Variants in BARX2 observed in about 807,000 individuals in gnomAD.
The protein encoded by BARX2 is homeobox protein BarH-like 2.
Under a neutral mutation model 25.5 loss-of-function variants are expected in BARX2, and 11 were observed. The ratio of observed to expected loss-of-function variants is 0.43; its 90% CI spans 0.27 to 0.71. The LOEUF (loss-of-function observed/expected upper bound fraction) is 0.71. Among genes scored for constraint, BARX2 ranks in the 30% least tolerant of loss-of-function variants. The probability of loss-of-function intolerance (pLI) is 0.19; values close to 1 mark genes in which losing one functional copy is unlikely to be tolerated. For synonymous variants in BARX2, 137 were observed against 149.5 expected (o/e 0.92, Z 0.61); for missense variants, 360 against 359.9 (o/e 1.00, Z 0.00).
chr11:129,414,177 G>T (rs7927598), intron 1 of BARX2, among the ~76,000 whole-genome samples: 1 of 151,958 alleles, frequency 6.6e-6, no homozygotes, highest in African/African-American at 2.4e-5. Context: ...AGTTCAGAAT[G>T]TATTAATACA....
At chr11:129,419,763 A>G (rs1861983470) in intron 1 of BARX2, among the ~76,000 whole-genome samples, 1 of 151,906 alleles carries the variant, frequency 6.6e-6, no homozygotes, top group Non-Finnish European at 1.5e-5. Flanking sequence ...CAGGTGCAGC[A>G]TTACTGGCAA....
rs1055930914 is a variant in BARX2 at position 129,375,849 on chromosome 11, C to G, written c.-187C>G. ...AAGGCTCAGCGAAGATGCTGATCTG[C>G]GGGTGGGTCTAGACGCGCGGCAGGC... On this transcript the variant is annotated 5_prime_UTR_variant, in exon 1 of 4. Coordinates refer to ENST00000281437, the MANE Select transcript of BARX2 (RefSeq NM_003658.5). This position sits in a 1 kb window ranked among gnomAD's most constrained non-coding sequence, Gnocchi z 4.0. 5 of 158,232 alleles carry G rather than the reference C, an allele frequency of 3.2e-5. No individual in the cohort carries two copies. Among genetic ancestry groups the G allele is most frequent in the Non-Finnish European group, 6.8e-5 (5 of 73,648 alleles). 9.8% of individuals were successfully genotyped at this position (158,232 alleles called of 1,614,324 possible).
At chr11:129,403,041 TA>T (rs1861793861) in intron 1 of BARX2, among the ~76,000 whole-genome samples, 1 of 152,260 alleles carries the variant, frequency 6.6e-6, no homozygotes, top group African/African-American at 2.4e-5. Context: ...AGGCATGTAG[TA>T]AGACCAGGTG....
At chr11:129,438,991 G>C (rs771699433) in intron 2 of BARX2, among the ~76,000 whole-genome samples, 1 of 152,198 alleles carries the variant, frequency 6.6e-6, no homozygotes, top group African/African-American at 2.4e-5. Flanking sequence ...ACTGCAAGTA[G>C]CCAGGACATC....
rs773135059 is a variant in BARX2, at chr11:129,386,939, C to T, written c.187+10717C>T. Among the ~76,000 whole-genome samples, 7 of 152,336 alleles carry T rather than the reference C, an allele frequency of 4.6e-5. No homozygotes were observed. In the South Asian group the frequency reaches 1.2e-3, roughly 27 times the overall value. ...AAAGCTCTGGAGGGGGGCCTCACCC[C>T]ACCCACAGGATCTGTGGCCAGGGTG... On this transcript the variant is annotated intron_variant, in intron 1 of 3. Transcript: ENST00000281437.
intron 1 of BARX2, among the ~76,000 whole-genome samples, chr11:129,387,821 A>G (rs1385448571): frequency 6.6e-6 from 1 of 152,228 alleles, no homozygotes; most frequent in Non-Finnish European, 1.5e-5. Flanking sequence ...AGTAACAACA[A>G]TAATAAATGG....
chr11:129,413,751 A>G (rs1016563863), intron 1 of BARX2, among the ~76,000 whole-genome samples: 3 of 152,276 alleles, frequency 2.0e-5, no homozygotes, highest in East Asian at 1.9e-4. Flanking sequence ...CTTTATTTCT[A>G]GAGACAGCAG....
At chr11:129,407,597 T>C (rs1591435190) in intron 1 of BARX2, among the ~76,000 whole-genome samples, 1 of 152,220 alleles carries the variant, frequency 6.6e-6, no homozygotes, top group Non-Finnish European at 1.5e-5. Context: ...CAGATGTTTT[T>C]CATATTATAC....
chr11:129,426,103 CA>C (rs1862059352), intron 1 of BARX2, among the ~76,000 whole-genome samples: 1 of 151,102 alleles, frequency 6.6e-6, no homozygotes, highest in Non-Finnish European at 1.5e-5. Context: ...TTCAGTCACA[CA>C]AAACTGGAAT....
At chr11:129,430,944 C>T (rs550926973) in intron 1 of BARX2, among the ~76,000 whole-genome samples, 20 of 152,186 alleles carry the variant, frequency 1.3e-4, no homozygotes, top group African/African-American at 4.8e-4. Context: ...TCTCTGCAAC[C>T]TTCACTTCCC....
Position 129,376,298 on chromosome 11 carries a change from C to G in BARX2, c.187+76C>G. On this transcript the variant is annotated intron_variant, in intron 1 of 3. Coordinates refer to ENST00000281437, the MANE Select transcript of BARX2 (RefSeq NM_003658.5). The surrounding 1 kb of genome is among the most constrained non-coding windows in gnomAD (Gnocchi z 4.2). ...TGTAGGTGGCCTGTGCTTTGCGATC[C>G]GAGGGCGAGAGGAAGGGTTAAGTTA... is the stretch of plus-strand genomic sequence containing the variant. The G allele has an allele frequency of 1.5e-6, 2 of 1,354,852 alleles. No individual in the cohort carries two copies. The highest frequency in any genetic ancestry group is 2.0e-6 in the Non-Finnish European group (2 of 998,216). 83.9% of individuals were successfully genotyped at this position (1,354,852 alleles called of 1,614,324 possible). A position where few individuals can be genotyped will look rare whatever the true frequency, so the allele number is the denominator to read the frequency against.
At chr11:129,388,093 C>CTGTGTGTGTGTGTGTG (rs34835803) in intron 1 of BARX2, among the ~76,000 whole-genome samples, 4 of 146,924 alleles carry the variant, frequency 2.7e-5, no homozygotes, top group Non-Finnish European at 4.5e-5. Context: ...AGGCAACATA[C>CTGTGTGTGTGTGTGTG]TGTGTGTGTG....
intron 1 of BARX2, among the ~76,000 whole-genome samples, chr11:129,416,091 G>GC: frequency 6.6e-6 from 1 of 152,356 alleles, no homozygotes; most frequent in African/African-American, 2.4e-5. Flanking sequence ...GCTGTTCTCT[G>GC]TGTGGGCACT....
chr11:129,385,989 T>A (rs894629343), intron 1 of BARX2, among the ~76,000 whole-genome samples: 3 of 152,234 alleles, frequency 2.0e-5, no homozygotes, highest in African/African-American at 7.2e-5. Context: ...ACTAAACATA[T>A]GTACAACTCA....
Position 129,390,472 on chromosome 11 carries a change from A to G in BARX2, c.187+14250A>G, listed in dbSNP as rs1233952844. 6.6e-6 allele frequency among the ~76,000 whole-genome samples: 1 copy of G among 152,152 alleles called. No homozygotes were observed. The highest frequency in any genetic ancestry group is 2.4e-5 in the African/African-American group (1 of 41,418). On this transcript the variant is annotated intron_variant, in intron 1 of 3. Coordinates refer to ENST00000281437, the MANE Select transcript of BARX2 (RefSeq NM_003658.5). This position sits in a 1 kb window ranked among gnomAD's most constrained non-coding sequence, Gnocchi z 4.3. ...TTCTATTCAGCCTGTGGATTCAGAA[A>G]AACAAAATGCATATGTTTGTGTTCC... is the stretch of plus-strand genomic sequence containing the variant.
intron 1 of BARX2, among the ~76,000 whole-genome samples, chr11:129,435,191 A>G (rs1037202134): frequency 2.0e-5 from 3 of 152,224 alleles, no homozygotes; most frequent in Non-Finnish European, 4.4e-5. Context: ...TTGCTCTAAA[A>G]TATCACTCCC....
At chr11:129,407,226 T>C (rs987371564) in intron 1 of BARX2, among the ~76,000 whole-genome samples, 5 of 152,222 alleles carry the variant, frequency 3.3e-5, no homozygotes, top group Non-Finnish European at 4.4e-5. Context: ...CCTATAACCC[T>C]ACTCAGTCAC....
intron 3 of BARX2, among the ~76,000 whole-genome samples, chr11:129,443,127 T>C (rs1862283057): frequency 6.6e-6 from 1 of 151,414 alleles, no homozygotes; most frequent in Non-Finnish European, 1.5e-5. Context: ...ATATTCTTTT[T>C]CTGTTTCCTT....
At chr11:129,434,717 A>T (rs78438868) in intron 1 of BARX2, among the ~76,000 whole-genome samples, 12,847 of 152,316 alleles carry the variant, frequency 0.084, 583 homozygotes, top group Middle Eastern at 0.14. Flanking sequence ...TTGTACGCAT[A>T]GACCTCAAAT....
Sources: gnomAD v4.1 joint callset for allele counts (sites outside exome capture counted in the v4.1 genomes callset) on GRCh38, gnomAD v4.1.1 for gene constraint, Gnocchi (gnomAD v3.1) non-coding constraint, MANE v1.5 for transcripts, NCBI Gene and HGNC (gene_info 2026-07-23, HGNC 2026-07-21) for gene names.